Variants in MPC2 observed in about 807,000 individuals in gnomAD.
The protein encoded by MPC2 is mitochondrial pyruvate carrier 2, also known as brain protein 44.
A neutral mutation model predicts 19.2 loss-of-function variants in MPC2; 19 were observed. The observed-to-expected ratio is 0.99, with a 90% CI of 0.69 to 1.45. The LOEUF (loss-of-function observed/expected upper bound fraction) is 1.45, where lower values mean the gene tolerates loss of function less well. Ranked by LOEUF, MPC2 falls within the 40% of genes most tolerant of loss-of-function variation. MPC2 has a pLI of 0.00. For missense variants in MPC2, 122 were observed against 153.0 expected, an observed-to-expected ratio of 0.80 and a Z score of 1.07; for synonymous variants, 61 against 54.3, an observed-to-expected ratio of 1.12 and a Z score of -0.54.
At chr1:167,935,928 C>G in intron 1 of MPC2, 30 bp from the exon 2 acceptor site, 1 of 1,020,910 alleles carries the variant, frequency 9.8e-7, no homozygotes, top group Non-Finnish European at 1.5e-6. Context: ...AGTCACTTTT[C>G]CTGCCACGAC....
intron 3 of MPC2, 56 bp from the exon 4 acceptor site, chr1:167,920,687 T>C (rs1670578492): frequency 9.2e-6 from 14 of 1,514,616 alleles, no homozygotes; most frequent in Non-Finnish European, 1.3e-5. Flanking sequence ...GTAATAGTTT[T>C]AACTTTAAAT....
chr1:167,936,711 G>C, intron 1 of MPC2: 1 of 584,062 alleles, frequency 1.7e-6, no homozygotes, highest in South Asian at 2.0e-5. Context: ...AAGAAGGAGA[G>C]TATGAGGCGA....
rs200318190 is a variant in MPC2 at position 167,924,491 on chromosome 1, A to G, written c.150+6T>C. 1,813 of 1,592,690 alleles carry G rather than the reference A, an allele frequency of 1.1e-3. No individual in the cohort carries two copies. The highest frequency in any genetic ancestry group is 1.3e-3 in the Non-Finnish European group (1,546 of 1,170,996). On this transcript the variant is annotated splice_donor_region_variant and intron_variant, in intron 3 of 5. Transcript: ENST00000271373. Reference sequence around the variant, plus strand: ...TCAGTAGCTTCCGTAAAAACTCAAGACTTACCCATTTCATAATTGGAGCCC... The same window carrying G: ...TCAGTAGCTTCCGTAAAAACTCAAGGCTTACCCATTTCATAATTGGAGCCC...
chr1:167,926,741 T>A (rs539314986), intron 2 of MPC2, among the ~76,000 whole-genome samples: 2 of 152,308 alleles, frequency 1.3e-5, no homozygotes, highest in South Asian at 4.1e-4. Context: ...AATCCTGGCC[T>A]AGGGCGACTG....
intron 5 of MPC2, among the ~76,000 whole-genome samples, chr1:167,919,160 T>C (rs1670540313): frequency 6.6e-6 from 1 of 152,188 alleles, no homozygotes; most frequent in African/African-American, 2.4e-5. Context: ...TAAAATATAC[T>C]TCTGTGATGC....
At chr1:167,924,463 CT>C (rs753259686) in intron 3 of MPC2, 33 bp downstream of exon 3, 2 of 1,574,840 alleles carry the variant, frequency 1.3e-6, no homozygotes, top group Non-Finnish European at 8.7e-7. Flanking sequence ...AGGAATTTGT[CT>C]TTCAGTAGCT....
chr1:167,924,667 T>C (rs771175217), intron 2 of MPC2, 130 bp from the exon 3 acceptor site: 11 of 605,688 alleles, frequency 1.8e-5, no homozygotes, highest in African/African-American at 5.7e-5. Context: ...TACTATGCTT[T>C]TTGCATACTT....
chr1:167,934,214 G>A (rs866045249), intron 2 of MPC2, among the ~76,000 whole-genome samples: 2 of 152,228 alleles, frequency 1.3e-5, no homozygotes, highest in South Asian at 4.2e-4. Context: ...AAAACTAAAG[G>A]CTTGGAAAGG....
chr1:167,925,520 GT>G (rs1445044047), intron 2 of MPC2, among the ~76,000 whole-genome samples: 45 of 71,920 alleles, frequency 6.3e-4, no homozygotes, highest in Middle Eastern at 0.012. Context: ...TACAAACAAC[GT>G]TTTTTTTTTT....
chr1:167,936,920 G>C lies in MPC2; in HGVS notation c.-58+19C>G. On this transcript the variant is annotated intron_variant, in intron 1 of 5. Transcript: ENST00000271373. ...CCGGCTCAGGCAGAGCCATGTCTCG[G>C]GGTGGCTCCTACCCACACCTGTTGT... 6.2e-7 allele frequency: 1 copy of C among 1,604,966 alleles called. No individual in the cohort carries two copies. The highest frequency in any genetic ancestry group is 8.5e-7 in the Non-Finnish European group (1 of 1,176,956).
At chr1:167,928,980 C>T (rs2102550478) in intron 2 of MPC2, among the ~76,000 whole-genome samples, 1 of 152,320 alleles carries the variant, frequency 6.6e-6, no homozygotes, top group East Asian at 1.9e-4. Context: ...ACATTTTCAT[C>T]TTGTTTCTTT....
chr1:167,923,141 A>C (rs1189399672), intron 3 of MPC2, among the ~76,000 whole-genome samples: 2 of 152,196 alleles, frequency 1.3e-5, no homozygotes, highest in Non-Finnish European at 2.9e-5. Flanking sequence ...TTGCTGAGGA[A>C]AACAAAAAAT....
At chr1:167,934,690 A>T (rs1671017735) in intron 2 of MPC2, among the ~76,000 whole-genome samples, 1 of 152,204 alleles carries the variant, frequency 6.6e-6, no homozygotes, top group South Asian at 2.1e-4. Flanking sequence ...TTTCCTAATG[A>T]TACCAACTAC....
chr1:167,917,440 A>G lies in MPC2; in HGVS notation c.*883T>C, dbSNP rs1001164709. ...ATGACAAAACCCTACCTCTACAAAA[A>G]TACAAAAATTAGCTGGGTGTGGTGG... On this transcript the variant is annotated 3_prime_UTR_variant, in exon 6 of 6. Coordinates refer to ENST00000271373, the MANE Select transcript of MPC2 (RefSeq NM_001143674.4). The G allele has an allele frequency of 6.6e-6, 1 of 152,254 alleles. No homozygotes were observed. Among genetic ancestry groups the G allele is most frequent in the Admixed American group, 6.5e-5 (1 of 15,270 alleles). 9.4% of individuals were successfully genotyped at this position (152,254 alleles called of 1,614,324 possible).
At chr1:167,920,524 C>G in intron 4 of MPC2, 23 bp downstream of exon 4, 3 of 1,606,840 alleles carry the variant, frequency 1.9e-6, no homozygotes, top group Non-Finnish European at 1.7e-6. Context: ...ACAAGAAACA[C>G]AGAAGATATT....
chr1:167,923,702 A>G lies in MPC2; in HGVS notation c.150+795T>C, dbSNP rs575305488. 1.2e-4 allele frequency among the ~76,000 whole-genome samples: 17 copies of G among 145,732 alleles called. No homozygotes were observed. The South Asian group carries it at 3.2e-3, about 27-fold the overall frequency. ...GTTTTATATGTATTTTACCACATTA[A>G]AAAAAAAAAAGCCTACAGACCAGTG... On this transcript the variant is annotated intron_variant, in intron 3 of 5. Coordinates refer to ENST00000271373, the MANE Select transcript of MPC2 (RefSeq NM_001143674.4).
At position 167,935,842 on chromosome 1, in the gene MPC2, C is replaced by G; in HGVS notation, c.-1G>C. 1.3e-6 allele frequency: 2 copies of G among 1,549,688 alleles called. No individual in the cohort carries two copies. Among genetic ancestry groups the G allele is most frequent in the Non-Finnish European group, 8.7e-7 (1 of 1,146,782 alleles). ...GGCCTCGGGCACCGGCGGCCGACATCGCCGCCGAGGGATCGTTGGCAGCCG... is the reference window on the plus strand; with the variant it reads ...GGCCTCGGGCACCGGCGGCCGACATGGCCGCCGAGGGATCGTTGGCAGCCG... On this transcript the variant is annotated 5_prime_UTR_variant, in exon 2 of 6. Transcript: ENST00000271373.
At position 167,920,629 on chromosome 1, in the gene MPC2, C is replaced by A; in HGVS notation, c.153G>T (p.Gly51=). The A allele has an allele frequency of 1.2e-6, 2 of 1,612,092 alleles. No homozygotes were observed. The highest frequency in any genetic ancestry group is 1.7e-6 in the Non-Finnish European group (2 of 1,179,116). The stretch of plus-strand genomic sequence containing the variant: ...TATCAGCCAATCCAGCACACACCAA[C>A]CCCTACACATTAACGCATAGAAAGA... ...VFFWAPIMKW[G]LVCAGLADMA... is the part of the protein sequence containing the mutation. Residue 51 remains glycine (G), a splice_region_variant and synonymous_variant, in exon 4 of 6, where the codon GGG becomes GGT. Coordinates refer to ENST00000271373, the MANE Select transcript of MPC2 (RefSeq NM_001143674.4).
At position 167,925,432 on chromosome 1, in the gene MPC2, TACATATACAC is replaced by T. The variant is rs1185586040; in HGVS notation, c.110-905_110-896del. On this transcript the variant is annotated intron_variant, in intron 2 of 5. Transcript: ENST00000271373. ...TATGTGTATATATAATATACAGATA[TACATATACAC>T]ATATATATATATATATATATATATA... 9.8e-4 allele frequency among the ~76,000 whole-genome samples: 115 copies of T among 117,502 alleles called. 1 individual carries two copies. The South Asian group carries it at 0.029, about 30-fold the overall frequency. 77.1% of individuals were successfully genotyped at this position (117,502 alleles called of 152,430 possible).
Sources: allele counts gnomAD v4.1 joint callset (sites outside exome capture counted in the v4.1 genomes callset), GRCh38; gene constraint gnomAD v4.1.1; transcripts MANE v1.5; gene names NCBI Gene and HGNC (gene_info 2026-07-23, HGNC 2026-07-21).